PTPRR: variants seen among roughly 807,000 people sequenced by gnomAD.
PTPRR encodes the protein protein tyrosine phosphatase receptor type R, also known as receptor-type tyrosine-protein phosphatase R.
Under a neutral mutation model 77.2 loss-of-function variants are expected in PTPRR, and 38 were observed. The observed-to-expected ratio is 0.49, with a 90% CI of 0.38 to 0.65. The LOEUF (loss-of-function observed/expected upper bound fraction) is 0.65, where lower values mean the gene tolerates loss of function less well. PTPRR is among the 30% of genes least tolerant of loss of function. The pLI, the probability that PTPRR is intolerant of heterozygous loss-of-function variation, is 0.00. For synonymous variants in PTPRR, 299 were observed against 283.1 expected, an observed-to-expected ratio of 1.06 and a Z score of -0.57; for missense variants, 744 against 799.2, an observed-to-expected ratio of 0.93 and a Z score of 0.83.
intron 4 of PTPRR, chr12:70,754,756 C>A (rs866772907): frequency 1.3e-6 from 2 of 1,542,164 alleles, no homozygotes; most frequent in South Asian, 1.2e-5. Context: ...GCTTGTGGTG[C>A]ATTAATAAAT....
intron 10 of PTPRR, among the ~76,000 whole-genome samples, chr12:70,675,971 T>C (rs573990480): frequency 6.6e-6 from 1 of 151,978 alleles, no homozygotes; most frequent in South Asian, 2.1e-4. Context: ...TGTGTCTAGC[T>C]GTGATTTACA....
intron 5 of PTPRR, among the ~76,000 whole-genome samples, chr12:70,748,661 A>G (rs535608755): frequency 2.0e-5 from 3 of 152,302 alleles, no homozygotes; most frequent in East Asian, 3.9e-4. Context: ...GGAGGAAGCT[A>G]AAAAAATTCG....
intron 10 of PTPRR, among the ~76,000 whole-genome samples, chr12:70,669,016 A>G (rs1887114566): frequency 6.6e-6 from 1 of 152,234 alleles, no homozygotes; most frequent in Non-Finnish European, 1.5e-5. Flanking sequence ...TAAGGAAATG[A>G]TTACATTTTA....
At chr12:70,655,811 A>T (rs1430046852) in intron 13 of PTPRR, among the ~76,000 whole-genome samples, 1 of 152,226 alleles carries the variant, frequency 6.6e-6, no homozygotes, top group African/African-American at 2.4e-5. Context: ...GATTGGTTGT[A>T]CAACAATGTG....
intron 2 of PTPRR, among the ~76,000 whole-genome samples, chr12:70,862,466 C>A (rs1892769044): frequency 6.6e-6 from 1 of 151,438 alleles, no homozygotes; most frequent in African/African-American, 2.4e-5. Flanking sequence ...TGGAAATCAT[C>A]ATTCTCAGTA....
chr12:70,664,651 T>A (rs1464781205), intron 10 of PTPRR: 1 of 152,104 alleles, frequency 6.6e-6, no homozygotes, highest in East Asian at 1.9e-4. Context: ...TGCACCTACT[T>A]GATAAATGGA....
At chr12:70,849,701 T>G (rs1356679468) in intron 2 of PTPRR, among the ~76,000 whole-genome samples, 2 of 152,246 alleles carry the variant, frequency 1.3e-5, no homozygotes, top group East Asian at 3.8e-4. Context: ...CAAAAATTAT[T>G]TGTGACCAAG....
chr12:70,673,362 T>C (rs1046268963), intron 10 of PTPRR, among the ~76,000 whole-genome samples: 44 of 152,286 alleles, frequency 2.9e-4, no homozygotes, highest in Admixed American at 2.0e-4. Flanking sequence ...CATTACAAGA[T>C]TCAAAGATTG....
At chr12:70,705,719 G>A (rs1201158528) in intron 6 of PTPRR, among the ~76,000 whole-genome samples, 3 of 150,618 alleles carry the variant, frequency 2.0e-5, no homozygotes, top group African/African-American at 2.5e-5. Flanking sequence ...TTTGACTTCC[G>A]AGATTTTTTT....
intron 6 of PTPRR, among the ~76,000 whole-genome samples, chr12:70,725,219 T>A (rs927059441): frequency 2.0e-5 from 3 of 152,212 alleles, no homozygotes; most frequent in African/African-American, 7.2e-5. Context: ...TGACTGATTT[T>A]GTTATTTTTA....
At chr12:70,661,838 C>T (rs1201470463) in intron 11 of PTPRR, among the ~76,000 whole-genome samples, 1 of 152,202 alleles carries the variant, frequency 6.6e-6, no homozygotes, top group Non-Finnish European at 1.5e-5. Context: ...GTAGCTCTGC[C>T]CCTGTTTTCT....
chr12:70,715,539 A>AC (rs1429921016), intron 6 of PTPRR, among the ~76,000 whole-genome samples: 1 of 151,666 alleles, frequency 6.6e-6, no homozygotes, highest in Non-Finnish European at 1.5e-5. Flanking sequence ...GGTCTATTTC[A>AC]CCCCTACAGT....
rs747909563 is a variant in PTPRR, at chr12:70,754,797, T to G, written c.628-496A>C. 10 of 1,458,452 alleles carry G rather than the reference T, an allele frequency of 6.9e-6. No individual in the cohort carries two copies. The South Asian group carries it at 1.2e-4, about 18-fold the overall frequency. The allele number at this position is 1,458,452 out of a possible 1,614,324, so 90.3% of individuals were successfully genotyped here. The stretch of plus-strand genomic sequence containing the variant: ...AACAATGCCAGCATTATTTCCTTCT[T>G]TCTTTTAATCACATCTTTTTTTTTT... On this transcript the variant is annotated intron_variant, in intron 4 of 13. Transcript: ENST00000283228.
chr12:70,861,166 T>C (rs1892746845), intron 2 of PTPRR, among the ~76,000 whole-genome samples: 2 of 152,172 alleles, frequency 1.3e-5, no homozygotes, highest in East Asian at 1.9e-4. Context: ...AAACTAACAG[T>C]GTTCAAGAAG....
intron 4 of PTPRR, among the ~76,000 whole-genome samples, chr12:70,760,673 C>T (rs554685087): frequency 3.3e-5 from 5 of 152,288 alleles, no homozygotes; most frequent in East Asian, 1.9e-4. Flanking sequence ...TGGTGCTTTA[C>T]GCCTCTCTTG....
chr12:70,722,672 G>T (rs1889300317), intron 6 of PTPRR, among the ~76,000 whole-genome samples: 1 of 151,890 alleles, frequency 6.6e-6, no homozygotes, highest in South Asian at 2.1e-4. Context: ...TGTTTATTTG[G>T]GATAAGACTC....
At position 70,675,791 on chromosome 12, in the gene PTPRR, A is replaced by C. The variant is rs1343113322; in HGVS notation, c.1497+8336T>G. On this transcript the variant is annotated intron_variant, in intron 10 of 13. Transcript: ENST00000283228. Reference sequence around the variant, plus strand: ...TTTCACACCTGGCCCTGTAGGATAGATTTGTTGGGTATAAAGTTCTGGGTA... The same window carrying C: ...TTTCACACCTGGCCCTGTAGGATAGCTTTGTTGGGTATAAAGTTCTGGGTA... Among the ~76,000 whole-genome samples, 3 of 151,416 alleles carry C rather than the reference A, an allele frequency of 2.0e-5. No individual in the cohort carries two copies. In the East Asian group the frequency reaches 5.8e-4, roughly 29 times the overall value.
At chr12:70,671,750 G>GT (rs1887233300) in intron 10 of PTPRR, among the ~76,000 whole-genome samples, 2 of 152,212 alleles carry the variant, frequency 1.3e-5, no homozygotes. Flanking sequence ...AGCATCATAG[G>GT]TAAACCAACT....
chr12:70,836,014 C>A (rs547512807), intron 2 of PTPRR, among the ~76,000 whole-genome samples: 1 of 152,174 alleles, frequency 6.6e-6, no homozygotes, highest in African/African-American at 2.4e-5. Context: ...CACTACTGCT[C>A]CCACAGATTT....
Sources: gnomAD v4.1 joint callset for allele counts (sites outside exome capture counted in the v4.1 genomes callset) on GRCh38, gnomAD v4.1.1 for gene constraint, MANE v1.5 for transcripts, NCBI Gene and HGNC (gene_info 2026-07-23, HGNC 2026-07-21) for gene names.